The following KCND2 variants were observed in gnomAD, a reference collection of about 807,000 sequenced individuals.
KCND2 encodes the protein potassium voltage-gated channel subfamily D member 2.
Under a neutral mutation model 54.4 loss-of-function variants are expected in KCND2, and 16 were observed. That is an observed-to-expected ratio of 0.29 (90% confidence interval 0.20 to 0.45). The LOEUF is 0.45. Ranked by LOEUF, KCND2 falls within the 20% of genes least tolerant of loss-of-function variation. The probability of loss-of-function intolerance (pLI) is 1.00; values close to 1 mark genes in which losing one functional copy is unlikely to be tolerated. For synonymous variants in KCND2, 317 were observed against 310.7 expected, an observed-to-expected ratio of 1.02 and a Z score of -0.21; for missense variants, 486 against 824.2, an observed-to-expected ratio of 0.59 and a Z score of 5.02.
At chr7:120,560,981 C>A (rs1337482877) in intron 1 of KCND2, among the ~76,000 whole-genome samples, 1 of 152,082 alleles carries the variant, frequency 6.6e-6, no homozygotes, top group Non-Finnish European at 1.5e-5. Context: ...TGTAAGTTAG[C>A]CATTAGTACT....
chr7:120,560,527 G>A (rs1000061299), intron 1 of KCND2, among the ~76,000 whole-genome samples: 4 of 152,196 alleles, frequency 2.6e-5, no homozygotes, highest in African/African-American at 9.7e-5. Context: ...ACACTTTAAT[G>A]TGATAATCAG....
intron 1 of KCND2, among the ~76,000 whole-genome samples, chr7:120,346,618 A>G (rs1800320943): frequency 6.6e-6 from 1 of 151,960 alleles, no homozygotes; most frequent in African/African-American, 2.4e-5. Context: ...TAAATTTAGT[A>G]GTCTCTTTAA....
intron 1 of KCND2, among the ~76,000 whole-genome samples, chr7:120,402,420 T>G (rs1467846634): frequency 6.6e-6 from 1 of 152,184 alleles, no homozygotes; most frequent in African/African-American, 2.4e-5. Context: ...GACCTAAGTG[T>G]TGTTGTTTTT....
intron 1 of KCND2, among the ~76,000 whole-genome samples, chr7:120,442,894 A>T (rs1446250828): frequency 6.6e-6 from 1 of 152,072 alleles, no homozygotes; most frequent in Non-Finnish European, 1.5e-5. Flanking sequence ...AAATTTAAAG[A>T]AGAAATTTAA....
chr7:120,494,488 A>C (rs1172773510), intron 1 of KCND2, among the ~76,000 whole-genome samples: 3 of 152,130 alleles, frequency 2.0e-5, no homozygotes, highest in Non-Finnish European at 2.9e-5. Flanking sequence ...TCAGACTAAC[A>C]TTAAAGATAG....
intron 1 of KCND2, among the ~76,000 whole-genome samples, chr7:120,602,641 A>C (rs1241058127): frequency 1.3e-5 from 2 of 152,224 alleles, no homozygotes; most frequent in Non-Finnish European, 2.9e-5. Flanking sequence ...AATATTCAAA[A>C]GAAATGTGAA....
In KCND2 at chr7:120,349,101, A is replaced by G. The variant is rs556097001; in HGVS notation, c.1115+73354A>G. ...CTCCATTAATATCTTACCACCCCTCATAAATATGGGAAACTTATACTACTT... is the reference window on the plus strand; with the variant it reads ...CTCCATTAATATCTTACCACCCCTCGTAAATATGGGAAACTTATACTACTT... On this transcript the variant is annotated intron_variant, in intron 1 of 5. Coordinates refer to ENST00000331113, the MANE Select transcript of KCND2 (RefSeq NM_012281.3). Among the ~76,000 whole-genome samples, 7 of 152,284 alleles carry G rather than the reference A, an allele frequency of 4.6e-5. No individual in the cohort carries two copies. The East Asian group carries it at 1.2e-3, about 25-fold the overall frequency.
At chr7:120,722,217 C>G (rs1460811537) in intron 1 of KCND2, among the ~76,000 whole-genome samples, 6 of 152,184 alleles carry the variant, frequency 3.9e-5, no homozygotes, top group Non-Finnish European at 7.3e-5. Flanking sequence ...AAACTCCAAG[C>G]TGGCCCTGTG....
At chr7:120,712,309 G>A (rs1435768688) in intron 1 of KCND2, among the ~76,000 whole-genome samples, 4 of 116,778 alleles carry the variant, frequency 3.4e-5, no homozygotes, top group African/African-American at 1.3e-4. Context: ...TTTCACCCAG[G>A]CTGGAGTGCA....
intron 1 of KCND2, among the ~76,000 whole-genome samples, chr7:120,524,213 C>T (rs897748833): frequency 2.0e-5 from 3 of 150,002 alleles, no homozygotes; most frequent in Admixed American, 1.3e-4. Context: ...CCAGACTGGG[C>T]GACAGAGCAA....
At chr7:120,372,271 G>A (rs111737178) in intron 1 of KCND2, among the ~76,000 whole-genome samples, 4,322 of 151,712 alleles carry the variant, frequency 0.028, 87 homozygotes, top group East Asian at 0.042. Flanking sequence ...GCATTCACTC[G>A]AATTTCTCTT....
At chr7:120,723,274 T>C (rs1792691422) in intron 1 of KCND2, among the ~76,000 whole-genome samples, 1 of 152,206 alleles carries the variant, frequency 6.6e-6, no homozygotes, top group African/African-American at 2.4e-5. Flanking sequence ...GACTAATTTT[T>C]CTTTTTCTGT....
intron 1 of KCND2, among the ~76,000 whole-genome samples, chr7:120,495,470 T>G (rs1460243887): frequency 6.6e-6 from 1 of 152,160 alleles, no homozygotes; most frequent in Non-Finnish European, 1.5e-5. Context: ...ATCAAGAAAG[T>G]TGGGGCTGTA....
chr7:120,363,158 T>C (rs1425994128), intron 1 of KCND2, among the ~76,000 whole-genome samples: 1 of 152,024 alleles, frequency 6.6e-6, no homozygotes, highest in Non-Finnish European at 1.5e-5. Context: ...TAGCCAGGTA[T>C]GGTGGTGCAT....
At chr7:120,619,213 C>T (rs1390556263) in intron 1 of KCND2, among the ~76,000 whole-genome samples, 1 of 152,156 alleles carries the variant, frequency 6.6e-6, no homozygotes, top group Non-Finnish European at 1.5e-5. Context: ...AGGTGGATCA[C>T]TTGTGCTTAA....
intron 1 of KCND2, among the ~76,000 whole-genome samples, chr7:120,702,951 G>A (rs1792422040): frequency 6.6e-6 from 1 of 152,064 alleles, no homozygotes; most frequent in African/African-American, 2.4e-5. Flanking sequence ...AAAAAAATCA[G>A]TTGCCTGGGA....
Position 120,275,230 on chromosome 7 carries a change from A to T in KCND2, c.598A>T (p.Ile200Phe), listed in dbSNP as rs1209475817. Residue 200 changes from isoleucine (I) to phenylalanine (F), a missense_variant, in exon 1 of 6, where the codon ATC becomes TTC. Around this residue, in one of 7 missense-constraint regions of KCND2, gnomAD observed 231 missense variants for 386.0 expected, o/e 0.60. Coordinates refer to ENST00000331113, the MANE Select transcript of KCND2 (RefSeq NM_012281.3). Reference sequence around the variant, plus strand: ...GGGGTTTTTCATTGCCGTCTCTGTCATCGCGAATGTGGTGGAAACAGTGCC... The same window carrying T: ...GGGGTTTTTCATTGCCGTCTCTGTCTTCGCGAATGTGGTGGAAACAGTGCC... ...VTGFFIAVSV[I>F]ANVVETVPCG... is the part of the protein sequence containing the mutation. 6.2e-7 allele frequency: 1 copy of T among 1,613,880 alleles called. No homozygotes were observed. The highest frequency in any genetic ancestry group is 1.7e-5 in the Admixed American group (1 of 59,996).
intron 1 of KCND2, among the ~76,000 whole-genome samples, chr7:120,306,255 A>G (rs565456831): frequency 2.0e-5 from 3 of 152,128 alleles, no homozygotes; most frequent in East Asian, 3.9e-4. Context: ...AAGTTTTTAG[A>G]TCTTTTATGA....
At chr7:120,461,113 T>C (rs1042091475) in intron 1 of KCND2, among the ~76,000 whole-genome samples, 9 of 152,178 alleles carry the variant, frequency 5.9e-5, no homozygotes, top group Admixed American at 4.6e-4. Flanking sequence ...GTTAAACATA[T>C]GCCTGCCTCC....
Sources: allele counts gnomAD v4.1 joint callset (sites outside exome capture counted in the v4.1 genomes callset), GRCh38; gene constraint gnomAD v4.1.1; regional missense constraint gnomAD v4.1.1; transcripts MANE v1.5; gene names NCBI Gene and HGNC (gene_info 2026-07-23, HGNC 2026-07-21).